The following ZNF385D variants were observed in gnomAD, a reference collection of about 807,000 sequenced individuals.
ZNF385D encodes zinc finger protein 385D, also known as zinc finger protein 659.
ZNF385D carries 15 observed loss-of-function variants against 35.8 expected under a neutral mutation model. The ratio of observed to expected loss-of-function variants is 0.42; its 90% CI spans 0.28 to 0.64. The LOEUF is 0.64. Among genes scored for constraint, ZNF385D ranks in the 30% least tolerant of loss-of-function variants. The pLI is 0.23. For synonymous variants in ZNF385D, 212 were observed against 186.8 expected (o/e 1.13, Z -1.10); for missense variants, 474 against 494.6 (o/e 0.96, Z 0.39).
Position 22,019,127 on chromosome 3 carries a change from C to T in ZNF385D, c.325+149690G>A, listed in dbSNP as rs78490765. On this transcript the variant is annotated intron_variant, in intron 3 of 5. Coordinates refer to the ZNF385D transcript ENST00000494108. ...CTTCAAGAGCCTTTATTCCTATATC[C>T]TGTCTCCTATACAGGGATCTATAAT... Among the ~76,000 whole-genome samples, 815 of 131,358 alleles carry T rather than the reference C, an allele frequency of 6.2e-3. 8 individuals are homozygous for T. The highest frequency in any genetic ancestry group is 0.022 in the African/African-American group (744 of 34,244). The allele number at this position is 131,358 out of a possible 152,430, so 86.2% of individuals were successfully genotyped here. A position where few individuals can be genotyped will look rare whatever the true frequency, so the allele number is the denominator to read the frequency against.
At chr3:21,580,415 C>T (rs974034478) in intron 2 of ZNF385D, among the ~76,000 whole-genome samples, 5 of 152,218 alleles carry the variant, frequency 3.3e-5, no homozygotes, top group South Asian at 4.1e-4. Context: ...ATTAAAGTTA[C>T]GAAGTCTATA....
Position 21,935,450 on chromosome 3 carries a change from C to T in ZNF385D, c.325+233367G>A, listed in dbSNP as rs554858205. Among the ~76,000 whole-genome samples the T allele has an allele frequency of 4.6e-5, 7 of 152,210 alleles. No homozygotes were observed. The East Asian group carries it at 1.4e-3, about 29-fold the overall frequency. Reference sequence around the variant, plus strand: ...TGGGACATAGATATAAAGTAATTCACTGAGAACACAAACTGGCAAGTGGGT... The same window carrying T: ...TGGGACATAGATATAAAGTAATTCATTGAGAACACAAACTGGCAAGTGGGT... On this transcript the variant is annotated intron_variant, in intron 3 of 5. Transcript: ENST00000494108.
At chr3:21,854,816 AAAT>A (rs755898338) in intron 3 of ZNF385D, among the ~76,000 whole-genome samples, 1 of 152,048 alleles carries the variant, frequency 6.6e-6, no homozygotes, top group Non-Finnish European at 1.5e-5. Flanking sequence ...TGAATGAACT[AAAT>A]AATAACTGAG....
At chr3:22,176,108 T>C (rs1215101684) in intron 2 of ZNF385D, among the ~76,000 whole-genome samples, 1 of 151,932 alleles carries the variant, frequency 6.6e-6, no homozygotes, top group East Asian at 1.9e-4. Context: ...AACTACAGCA[T>C]CTGGAAATTC....
chr3:21,912,360 G>T (rs1158978889), intron 3 of ZNF385D, among the ~76,000 whole-genome samples: 6 of 150,050 alleles, frequency 4.0e-5, no homozygotes, highest in African/African-American at 1.3e-4. Context: ...CTTCTGGGGA[G>T]ATGACAGTTA....
intron 2 of ZNF385D, among the ~76,000 whole-genome samples, chr3:22,259,578 T>C (rs965302849): frequency 3.3e-5 from 5 of 151,996 alleles, no homozygotes; most frequent in Admixed American, 2.0e-4. Context: ...GTACCTCCCA[T>C]GTTGTCACTA....
rs58032064 is a variant in ZNF385D, at chr3:21,532,681, C to CAA, written c.277-21660_277-21659dup. The stretch of plus-strand genomic sequence containing the variant: ...AATATAATATGCTGAATAATATTTC[C>CAA]AAAAAAAAAAAAACAGATCTAGTAA... On this transcript the variant is annotated intron_variant, in intron 3 of 7. Coordinates refer to ENST00000281523, the MANE Select transcript of ZNF385D (RefSeq NM_024697.3). 1.2e-3 allele frequency among the ~76,000 whole-genome samples: 150 copies of CAA among 126,786 alleles called. 2 individuals carry two copies. Among genetic ancestry groups the CAA allele is most frequent in the East Asian group, 9.1e-3 (43 of 4,748 alleles). The allele number at this position is 126,786 out of a possible 152,430, so 83.2% of individuals were successfully genotyped here. A position where few individuals can be genotyped will look rare whatever the true frequency, so the allele number is the denominator to read the frequency against.
At chr3:21,645,258 T>C (rs912089220) in intron 2 of ZNF385D, among the ~76,000 whole-genome samples, 1 of 152,072 alleles carries the variant, frequency 6.6e-6, no homozygotes, top group African/African-American at 2.4e-5. Context: ...GCAGCCAAGG[T>C]TGTTAGAGTC....
At chr3:22,167,609 C>G (rs1465406406) in intron 3 of ZNF385D, among the ~76,000 whole-genome samples, 1 of 152,166 alleles carries the variant, frequency 6.6e-6, no homozygotes, top group Non-Finnish European at 1.5e-5. Flanking sequence ...GGCAGCCAGC[C>G]CACATGACAG....
chr3:21,471,272 CTT>C (rs1559323478), intron 4 of ZNF385D, among the ~76,000 whole-genome samples: 2,893 of 107,092 alleles, frequency 0.027, 73 homozygotes, highest in Non-Finnish European at 0.039. Context: ...CTCTCTCTCT[CTT>C]TCTCTCTCTC....
chr3:22,199,774 G>A (rs1696659258), intron 2 of ZNF385D, among the ~76,000 whole-genome samples: 1 of 152,048 alleles, frequency 6.6e-6, no homozygotes, highest in Non-Finnish European at 1.5e-5. Flanking sequence ...GCCAAAAACT[G>A]AAGAGAATTA....
chr3:21,604,647 T>C lies in ZNF385D; in HGVS notation c.166-39963A>G, dbSNP rs573125002. Among the ~76,000 whole-genome samples the C allele has an allele frequency of 3.9e-5, 6 of 152,236 alleles. 1 individual carries two copies. The South Asian group carries it at 1.2e-3, about 32-fold the overall frequency. On this transcript the variant is annotated intron_variant, in intron 2 of 7. Transcript: ENST00000281523. ...GGTGAAATGAGGTGAGGCCTGAGAA[T>C]AGCGGTTCTGGTGATGAGCAGATGA...
Position 22,106,139 on chromosome 3 carries a change from T to C in ZNF385D, c.325+62678A>G, listed in dbSNP as rs185360854. Among the ~76,000 whole-genome samples the C allele has an allele frequency of 2.3e-3, 347 of 152,244 alleles. 1 individual carries two copies. Among genetic ancestry groups the C allele is most frequent in the African/African-American group, 8.0e-3 (332 of 41,566 alleles). On this transcript the variant is annotated intron_variant, in intron 3 of 5. Transcript: ENST00000494108. ...AGGACTAAAGCAGAGCCCAGGTATT[T>C]GTGGCTCCAAAAATCTCCATGGGAT...
At chr3:21,608,100 C>G (rs2064551187) in intron 2 of ZNF385D, among the ~76,000 whole-genome samples, 1 of 147,104 alleles carries the variant, frequency 6.8e-6, no homozygotes, top group Non-Finnish European at 1.5e-5. Flanking sequence ...ACCTCCACCT[C>G]CTGGGATTAA....
chr3:22,012,577 A>C (rs1300032608), intron 3 of ZNF385D, among the ~76,000 whole-genome samples: 1 of 150,778 alleles, frequency 6.6e-6, no homozygotes, highest in Non-Finnish European at 1.5e-5. Context: ...GACCAGACTG[A>C]TAATAAAACA....
intron 3 of ZNF385D, among the ~76,000 whole-genome samples, chr3:21,535,136 A>G (rs1350091521): frequency 6.6e-6 from 1 of 152,158 alleles, no homozygotes; most frequent in Non-Finnish European, 1.5e-5. Context: ...CAACTTACCT[A>G]GAATTCTTTG....
intron 1 of ZNF385D, among the ~76,000 whole-genome samples, chr3:21,717,489 C>T (rs146669752): frequency 1.9e-3 from 295 of 152,244 alleles, no homozygotes; most frequent in South Asian, 4.0e-3. Context: ...TGTAATCTTG[C>T]CAAAATACAA....
chr3:21,576,379 A>G (rs569034733), intron 2 of ZNF385D, among the ~76,000 whole-genome samples: 1 of 152,162 alleles, frequency 6.6e-6, no homozygotes, highest in Non-Finnish European at 1.5e-5. Context: ...CTGTTTCCCT[A>G]ATGTTCTATG....
At chr3:22,114,486 C>T (rs1283026735) in intron 3 of ZNF385D, among the ~76,000 whole-genome samples, 1 of 151,856 alleles carries the variant, frequency 6.6e-6, no homozygotes, top group East Asian at 1.9e-4. Flanking sequence ...TAGAGTAGTG[C>T]AAGTAGTTTA....
Sources: gnomAD v4.1 joint callset for allele counts (sites outside exome capture counted in the v4.1 genomes callset) on GRCh38, gnomAD v4.1.1 for gene constraint, MANE v1.5 for transcripts, NCBI Gene and HGNC (gene_info 2026-07-23, HGNC 2026-07-21) for gene names.